SNX8: variants seen among roughly 807,000 people sequenced by gnomAD.
SNX8 encodes the protein sorting nexin-8.
In SNX8, 25 loss-of-function variants were observed where a neutral mutation model predicts 51.6. The observed-to-expected ratio is 0.48, with a 90% CI of 0.35 to 0.68. SNX8 has a LOEUF of 0.68. SNX8 is among the 30% of genes least tolerant of loss of function. The pLI is 0.00. For synonymous variants in SNX8, 324 were observed against 277.0 expected, an observed-to-expected ratio of 1.17 and a Z score of -1.68; for missense variants, 695 against 624.0, an observed-to-expected ratio of 1.11 and a Z score of -1.21.
At chr7:2,353,232 G>A (rs1282578785) in intron 1 of SNX8, among the ~76,000 whole-genome samples, 1 of 151,932 alleles carries the variant, frequency 6.6e-6, no homozygotes, top group African/African-American at 2.4e-5. Flanking sequence ...ATATTAAAAT[G>A]GCTAGGCCCT....
chr7:2,320,146 G>A (rs1436396279), intron 1 of SNX8, among the ~76,000 whole-genome samples: 1 of 151,732 alleles, frequency 6.6e-6, no homozygotes, highest in Non-Finnish European at 1.5e-5. Flanking sequence ...ACCTGAGATC[G>A]GGAGTTTGAG....
chr7:2,271,940 T>C lies in SNX8; in HGVS notation c.450A>G (p.Arg150=), dbSNP rs2115122343. 1 of 1,614,068 alleles carries C rather than the reference T, an allele frequency of 6.2e-7. No individual in the cohort carries two copies. Among genetic ancestry groups the C allele is most frequent in the Non-Finnish European group, 8.5e-7 (1 of 1,179,994 alleles). ...ADREFIEARR[R]ALKRFVNLVA... ...CCAGGTTGACGAAGCGCTTCAGGGCTCTCCTCCTGGCCTCGATGAACTCCC... is the reference window on the plus strand; with the variant it reads ...CCAGGTTGACGAAGCGCTTCAGGGCCCTCCTCCTGGCCTCGATGAACTCCC... Residue 150 remains arginine (R), a synonymous_variant, in exon 4 of 11, where the codon AGA becomes AGG. Coordinates refer to ENST00000222990, the MANE Select transcript of SNX8 (RefSeq NM_013321.4).
At chr7:2,269,683 C>CTTTCTTGCTGCT in intron 4 of SNX8, 44 bp from the exon 5 acceptor site, 3 of 1,380,148 alleles carry the variant, frequency 2.2e-6, no homozygotes, top group Non-Finnish European at 3.0e-6. Context: ...CTACTAGCAG[C>CTTTCTTGCTGCT]AAGAAAGCTG....
At position 2,273,782 on chromosome 7, in the gene SNX8, T is replaced by C. The variant is rs372685754; in HGVS notation, c.418+1330A>G. 1.5e-3 allele frequency among the ~76,000 whole-genome samples: 220 copies of C among 150,598 alleles called. 2 individuals carry two copies. Among genetic ancestry groups the C allele is most frequent in the African/African-American group, 5.3e-3 (215 of 40,946 alleles). ...AGCCAGGCGTGGTGGCGGGCGCCTG[T>C]AGTCCCAGCTACGCGGGAGGCTGAG... On this transcript the variant is annotated intron_variant, in intron 3 of 10. Coordinates refer to ENST00000222990, the MANE Select transcript of SNX8 (RefSeq NM_013321.4).
At chr7:2,281,500 C>T (rs1795905149) in intron 1 of SNX8, among the ~76,000 whole-genome samples, 1 of 151,968 alleles carries the variant, frequency 6.6e-6, no homozygotes, top group African/African-American at 2.4e-5. Flanking sequence ...GCAGAACGGG[C>T]AGAAACACCA....
chr7:2,282,285 T>G (rs1486673595), intron 1 of SNX8, among the ~76,000 whole-genome samples: 1 of 152,158 alleles, frequency 6.6e-6, no homozygotes. Context: ...AATTGGTGCC[T>G]TCCACACAAT....
chr7:2,275,420 C>T (rs1346988186), intron 2 of SNX8, among the ~76,000 whole-genome samples, 191 bp from the exon 3 acceptor site: 1 of 152,240 alleles, frequency 6.6e-6, no homozygotes, highest in Non-Finnish European at 1.5e-5. Flanking sequence ...AGCTCTTAGG[C>T]CGGGTGCGGT....
At chr7:2,333,317 T>C (rs1283818024) in intron 1 of SNX8, among the ~76,000 whole-genome samples, 1 of 152,072 alleles carries the variant, frequency 6.6e-6, no homozygotes, top group African/African-American at 2.4e-5. Context: ...AATCCCAACA[T>C]TGTGGGAGGC....
chr7:2,353,349 G>A (rs556380341), intron 1 of SNX8, among the ~76,000 whole-genome samples: 1 of 152,148 alleles, frequency 6.6e-6, no homozygotes, highest in Non-Finnish European at 1.5e-5. Context: ...TTATGCCACC[G>A]CACTCTAGCC....
intron 1 of SNX8, among the ~76,000 whole-genome samples, chr7:2,299,908 T>C (rs1584717960): frequency 6.6e-6 from 1 of 152,040 alleles, no homozygotes; most frequent in Non-Finnish European, 1.5e-5. Context: ...CCAAGTGAGA[T>C]ACAATTAAAT....
In SNX8 at chr7:2,340,439, C is replaced by CT. The variant is rs991103386; in HGVS notation, c.-66+13782dup. The stretch of plus-strand genomic sequence containing the variant: ...AAAGGGTTTTTTTTTTCTTTTCTTG[C>CT]TTTTTTTTTGGAATTTTCAAAATTC... On this transcript the variant is annotated intron_variant, in intron 1 of 5. Coordinates refer to the SNX8 transcript ENST00000435336. Among the ~76,000 whole-genome samples, 17 of 149,376 alleles carry CT rather than the reference C, an allele frequency of 1.1e-4. No individual in the cohort carries two copies. In the East Asian group the frequency reaches 1.6e-3, roughly 14 times the overall value.
chr7:2,314,462 GGCCGCGCAGCCCT>G (rs1489586596), upstream of SNX8: 33 of 1,196,948 alleles, frequency 2.8e-5, no homozygotes, highest in Middle Eastern at 9.9e-4. Context: ...CGCGCCACCC[GGCCGCGCAGCCCT>G]GCCGCGCCGC....
chr7:2,281,904 C>T (rs944401068), intron 1 of SNX8, among the ~76,000 whole-genome samples: 2 of 152,284 alleles, frequency 1.3e-5, no homozygotes, highest in South Asian at 2.1e-4. Flanking sequence ...AGCAACCCCC[C>T]ACAGGCCCCT....
intron 1 of SNX8, among the ~76,000 whole-genome samples, chr7:2,333,454 C>A (rs1341556688): frequency 1.3e-5 from 2 of 150,066 alleles, no homozygotes; most frequent in South Asian, 2.1e-4. Flanking sequence ...CCCAGCTACT[C>A]GGGAGGCTGA....
chr7:2,258,050 G>C (rs1469684836), intron 7 of SNX8, among the ~76,000 whole-genome samples: 4 of 140,884 alleles, frequency 2.8e-5, no homozygotes, highest in African/African-American at 8.3e-5. Context: ...TCGCTCTGTC[G>C]CCCAGGCTGG....
intron 1 of SNX8, among the ~76,000 whole-genome samples, chr7:2,281,828 G>A (rs969757331): frequency 1.3e-5 from 2 of 152,112 alleles, no homozygotes; most frequent in Non-Finnish European, 2.9e-5. Flanking sequence ...GTTCAAATCC[G>A]TGCGGTGGGT....
At chr7:2,273,623 G>T (rs1456235336) in intron 3 of SNX8, among the ~76,000 whole-genome samples, 1 of 148,584 alleles carries the variant, frequency 6.7e-6, no homozygotes, top group Non-Finnish European at 1.5e-5. Context: ...CATAAAAGAG[G>T]CCAGGTGCGG....
intron 1 of SNX8, among the ~76,000 whole-genome samples, chr7:2,286,630 T>C (rs1333465659): frequency 6.6e-6 from 1 of 151,526 alleles, no homozygotes; most frequent in Non-Finnish European, 1.5e-5. Context: ...GCCATTCTCC[T>C]GCCTCAGCCT....
At chr7:2,268,360 A>G (rs1204469412) in intron 5 of SNX8, among the ~76,000 whole-genome samples, 2 of 129,040 alleles carry the variant, frequency 1.5e-5, no homozygotes, top group African/African-American at 3.0e-5. Context: ...GCCCTGTCTG[A>G]GAAGTGAGGA....
Sources: gnomAD v4.1 joint callset for allele counts (sites outside exome capture counted in the v4.1 genomes callset) on GRCh38, gnomAD v4.1.1 for gene constraint, MANE v1.5 for transcripts, NCBI Gene and HGNC (gene_info 2026-07-23, HGNC 2026-07-21) for gene names.